Variants in AK8 observed in about 807,000 individuals in gnomAD.
AK8 encodes the protein adenylate kinase 8, also known as ATP-AMP transphosphorylase 8.
In AK8, 44 loss-of-function variants were observed where a neutral mutation model predicts 54.6. That is an observed-to-expected ratio of 0.81 (90% CI 0.63 to 1.04). The LOEUF is 1.04. Ranked by LOEUF, AK8 falls within the 50% of genes least tolerant of loss-of-function variation. The pLI is 0.00. For synonymous variants in AK8, 239 were observed against 245.6 expected (o/e 0.97, Z 0.25); for missense variants, 555 against 613.6 (o/e 0.90, Z 1.01).
At chr9:132,740,734 T>C (rs780056540) in intron 11 of AK8, among the ~76,000 whole-genome samples, 7 of 152,226 alleles carry the variant, frequency 4.6e-5, no homozygotes, top group Non-Finnish European at 8.8e-5. Flanking sequence ...ACTCTGGGGC[T>C]GCATCCCTCA....
At chr9:132,754,096 A>C (rs1252056063) in intron 11 of AK8, among the ~76,000 whole-genome samples, 3 of 152,200 alleles carry the variant, frequency 2.0e-5, no homozygotes, top group Admixed American at 2.0e-4. Context: ...CACTGAGGTC[A>C]GCAGAAACTC....
chr9:132,805,231 G>C (rs950071930), intron 10 of AK8, among the ~76,000 whole-genome samples: 2 of 152,206 alleles, frequency 1.3e-5, no homozygotes, highest in Admixed American at 6.5e-5. Context: ...GAGCAAGGAT[G>C]ACTCTGTGCA....
At chr9:132,817,774 A>G (rs1027248426) in intron 9 of AK8, among the ~76,000 whole-genome samples, 1 of 152,220 alleles carries the variant, frequency 6.6e-6, no homozygotes, top group Middle Eastern at 3.2e-3. Context: ...GTAGTTCCAG[A>G]AAGAAGAGAG....
At chr9:132,766,493 G>C (rs1838730679) in intron 11 of AK8, among the ~76,000 whole-genome samples, 1 of 152,048 alleles carries the variant, frequency 6.6e-6, no homozygotes, top group Non-Finnish European at 1.5e-5. Context: ...AAATTAAAGA[G>C]GTCATACACA....
At chr9:132,786,472 G>A (rs1460378781) in intron 11 of AK8, among the ~76,000 whole-genome samples, 1 of 152,096 alleles carries the variant, frequency 6.6e-6, no homozygotes, top group East Asian at 1.9e-4. Flanking sequence ...CTTCTCCCCT[G>A]GACCCCCAGA....
rs546172258 is a variant in AK8, at chr9:132,725,939, A to G, written c.1203-14T>C. 4.4e-6 allele frequency: 7 copies of G among 1,605,810 alleles called. No homozygotes were observed. The Admixed American group carries it at 1.0e-4, about 23-fold the overall frequency. On this transcript the variant is annotated splice_polypyrimidine_tract_variant and intron_variant, in intron 12 of 12. Coordinates refer to ENST00000298545, the MANE Select transcript of AK8 (RefSeq NM_152572.3). ...ATGAGGTGGTACCTGCAAGGGAGGA[A>G]GGAAAGCAGGTGACCCATGGCCTGG...
At chr9:132,752,581 GC>G (rs1333758378) in intron 11 of AK8, among the ~76,000 whole-genome samples, 2 of 152,134 alleles carry the variant, frequency 1.3e-5, no homozygotes, top group East Asian at 3.9e-4. Context: ...ATAAGTAGAT[GC>G]CCTGTGTAAT....
intron 10 of AK8, among the ~76,000 whole-genome samples, chr9:132,793,351 G>GA (rs1285308381): frequency 6.6e-6 from 1 of 152,160 alleles, no homozygotes. Context: ...TTTAACATAT[G>GA]AATTTTGGGA....
At chr9:132,855,753 G>A (rs772299780) in intron 4 of AK8, among the ~76,000 whole-genome samples, 3 of 152,228 alleles carry the variant, frequency 2.0e-5, no homozygotes, top group Non-Finnish European at 4.4e-5. Flanking sequence ...ACTGGGCCAA[G>A]CATTCCATTC....
chr9:132,748,007 G>A (rs1362968457), intron 11 of AK8, among the ~76,000 whole-genome samples: 1 of 151,408 alleles, frequency 6.6e-6, no homozygotes, highest in East Asian at 2.0e-4. Context: ...GCTGAGGCAG[G>A]AGAATCGCTT....
intron 10 of AK8, among the ~76,000 whole-genome samples, chr9:132,813,615 G>A (rs1350392750): frequency 6.6e-6 from 1 of 152,222 alleles, no homozygotes; most frequent in Non-Finnish European, 1.5e-5. Flanking sequence ...GCGTGAGTGG[G>A]AAATTCACTG....
chr9:132,765,630 A>G (rs891782344), intron 11 of AK8, among the ~76,000 whole-genome samples: 2 of 152,178 alleles, frequency 1.3e-5, no homozygotes, highest in African/African-American at 4.8e-5. Context: ...AAAATAAACA[A>G]GCAAAACAAC....
intron 5 of AK8, among the ~76,000 whole-genome samples, chr9:132,850,898 A>C (rs930599094): frequency 1.3e-4 from 8 of 61,034 alleles, no homozygotes; most frequent in East Asian, 4.9e-4. Flanking sequence ...AGGTGCATTT[A>C]AAAAAAAAAA....
intron 11 of AK8, among the ~76,000 whole-genome samples, chr9:132,775,559 T>G (rs564953884): frequency 6.6e-6 from 1 of 152,290 alleles, no homozygotes; most frequent in East Asian, 1.9e-4. Context: ...CGCCTCAGCC[T>G]CCGCCTCCCA....
At chr9:132,787,534 ACACTTTCAGATAGAATAGT>A (rs1564401172) in intron 11 of AK8, among the ~76,000 whole-genome samples, 1 of 152,122 alleles carries the variant, frequency 6.6e-6, no homozygotes, top group Admixed American at 6.5e-5. Context: ...GATAGAATAG[ACACTTTCAGATAGAATAGT>A]AGGGCCCCCA....
intron 11 of AK8, among the ~76,000 whole-genome samples, chr9:132,784,938 ATTG>A (rs968321657): frequency 5.3e-5 from 8 of 152,152 alleles, no homozygotes. Flanking sequence ...ACAGAATATA[ATTG>A]TTATATTTCT....
intron 10 of AK8, among the ~76,000 whole-genome samples, chr9:132,800,919 CTTTTT>C (rs34462868): frequency 8.1e-6 from 1 of 123,806 alleles, no homozygotes; most frequent in Non-Finnish European, 1.7e-5. Context: ...TCAGTTTGTC[CTTTTT>C]TTTTTTTTTT....
intron 11 of AK8, among the ~76,000 whole-genome samples, chr9:132,785,144 GC>G (rs1839637627): frequency 6.9e-6 from 1 of 145,760 alleles, no homozygotes; most frequent in South Asian, 2.2e-4. Flanking sequence ...TTGCTCTGTC[GC>G]CCAGGCTGGA....
At chr9:132,850,897 TAAAAA>T (rs34133877) in intron 5 of AK8, among the ~76,000 whole-genome samples, 1 of 135,330 alleles carries the variant, frequency 7.4e-6, no homozygotes, top group Non-Finnish European at 1.6e-5. Flanking sequence ...TAGGTGCATT[TAAAAA>T]AAAAAAAAAA....
Sources: allele counts gnomAD v4.1 joint callset (sites outside exome capture counted in the v4.1 genomes callset), GRCh38; gene constraint gnomAD v4.1.1; transcripts MANE v1.5; gene names NCBI Gene and HGNC (gene_info 2026-07-23, HGNC 2026-07-21).